GRM7: variants seen among roughly 807,000 people sequenced by gnomAD.
GRM7 encodes glutamate metabotropic receptor 7.
GRM7 carries 35 observed loss-of-function variants against 84.5 expected under a neutral mutation model. The ratio of observed to expected loss-of-function variants is 0.41; its 90% CI spans 0.32 to 0.55. The LOEUF (loss-of-function observed/expected upper bound fraction) is 0.55, where lower values mean the gene tolerates loss of function less well. GRM7 is among the 20% of genes least tolerant of loss of function. The pLI, the probability that GRM7 is intolerant of heterozygous loss-of-function variation, is 0.19. For synonymous variants in GRM7, 487 were observed against 455.1 expected, an observed-to-expected ratio of 1.07 and a Z score of -0.89; for missense variants, 1,003 against 1,194.6, an observed-to-expected ratio of 0.84 and a Z score of 2.36.
intron 1 of GRM7, among the ~76,000 whole-genome samples, chr3:6,891,463 AAAGTATTT>A (rs1318316504): frequency 4.6e-5 from 7 of 152,286 alleles, no homozygotes; most frequent in African/African-American, 1.7e-4. Context: ...GCTTGTCTGT[AAAGTATTT>A]TATTTCTCCT....
intron 1 of GRM7, among the ~76,000 whole-genome samples, chr3:7,073,950 G>T (rs1173541282): frequency 6.8e-6 from 1 of 146,108 alleles, no homozygotes; most frequent in Admixed American, 6.7e-5. Flanking sequence ...TATAAATGAG[G>T]ATATTAATTG....
intron 7 of GRM7, among the ~76,000 whole-genome samples, chr3:7,550,575 CTCTGTGTGTGTG>C (rs1481119201): frequency 2.5e-5 from 1 of 40,648 alleles, no homozygotes; most frequent in South Asian, 8.5e-4. Flanking sequence ...CTCTCTCTCT[CTCTGTGTGTGTG>C]TGTGTGTGTG....
chr3:7,151,517 A>G lies in GRM7; in HGVS notation c.736+4849A>G, dbSNP rs1694287830. On this transcript the variant is annotated intron_variant, in intron 2 of 9. Transcript: ENST00000357716. This position sits in a 1 kb window ranked among gnomAD's most constrained non-coding sequence, Gnocchi z 4.5. ...TGTGCCTCTCTCCTTCACAGATACA[A>G]TGTTCTATCTTGTGGTGTGCATTGC... 6.6e-6 allele frequency among the ~76,000 whole-genome samples: 1 copy of G among 152,084 alleles called. No homozygotes were observed. The highest frequency in any genetic ancestry group is 2.1e-4 in the South Asian group (1 of 4,826).
rs926056260 is a variant in GRM7, at chr3:6,863,749, C to T, written c.519+1842C>T. Among the ~76,000 whole-genome samples the T allele has an allele frequency of 2.0e-5, 3 of 152,100 alleles. No homozygotes were observed. Among genetic ancestry groups the T allele is most frequent in the South Asian group, 4.1e-4 (2 of 4,828 alleles). ...AACCACTGGGGGCTGGGGTAGGTTA[C>T]AGTGTTTTCCCTGTTAGCCTGTGGG... On this transcript the variant is annotated intron_variant, in intron 1 of 9. Transcript: ENST00000357716. This position sits in a 1 kb window ranked among gnomAD's most constrained non-coding sequence, Gnocchi z 4.8.
intron 7 of GRM7, among the ~76,000 whole-genome samples, chr3:7,504,257 G>A (rs1001306993): frequency 7.9e-5 from 12 of 152,162 alleles, no homozygotes; most frequent in Non-Finnish European, 1.6e-4. Context: ...TCAGATGGCT[G>A]AACCACTTTT....
chr3:7,518,904 A>G (rs781005216), intron 7 of GRM7, among the ~76,000 whole-genome samples: 28 of 152,362 alleles, frequency 1.8e-4, no homozygotes, highest in Admixed American at 1.2e-3. Context: ...GTCGTTTTTA[A>G]AAATAACATT....
intron 7 of GRM7, among the ~76,000 whole-genome samples, chr3:7,534,175 G>C (rs1017276980): frequency 6.6e-6 from 1 of 151,958 alleles, no homozygotes; most frequent in Non-Finnish European, 1.5e-5. Context: ...CACCACGCCT[G>C]GCTAATTTTT....
At chr3:7,574,392 T>C (rs1694855391) in intron 7 of GRM7, among the ~76,000 whole-genome samples, 1 of 152,162 alleles carries the variant, frequency 6.6e-6, no homozygotes, top group Non-Finnish European at 1.5e-5. Flanking sequence ...ATTCCTGACC[T>C]CGTGATCCAC....
chr3:7,503,627 G>A (rs1255484134), intron 7 of GRM7, among the ~76,000 whole-genome samples: 1 of 152,084 alleles, frequency 6.6e-6, no homozygotes, highest in Non-Finnish European at 1.5e-5. Flanking sequence ...GTCTGTAGAT[G>A]GTGCTAATGT....
chr3:7,424,254 T>C lies in GRM7; in HGVS notation c.1174+9091T>C, dbSNP rs865881413. ...GGTGCCATTGTTGTGGTTGTCTTTGTTGATAGTGGTGATTGATCCTACTTT... is the reference window on the plus strand; with the variant it reads ...GGTGCCATTGTTGTGGTTGTCTTTGCTGATAGTGGTGATTGATCCTACTTT... On this transcript the variant is annotated intron_variant, in intron 5 of 9. Coordinates refer to ENST00000357716, the MANE Select transcript of GRM7 (RefSeq NM_000844.4). 2.6e-5 allele frequency among the ~76,000 whole-genome samples: 4 copies of C among 152,200 alleles called. No individual in the cohort carries two copies. The South Asian group carries it at 8.3e-4, about 32-fold the overall frequency.
At chr3:7,712,589 A>C (rs2125166515) in intron 9 of GRM7, among the ~76,000 whole-genome samples, 1 of 151,578 alleles carries the variant, frequency 6.6e-6, no homozygotes, top group African/African-American at 2.4e-5. Flanking sequence ...GTTTCCTTAA[A>C]TCTCACCTTT....
chr3:7,449,956 A>C (rs1398254676), intron 5 of GRM7, among the ~76,000 whole-genome samples: 2 of 152,136 alleles, frequency 1.3e-5, no homozygotes, highest in Non-Finnish European at 2.9e-5. Context: ...AAATCAATGC[A>C]TTTTATTAGA....
At chr3:7,285,815 A>G (rs1699411922) in intron 2 of GRM7, among the ~76,000 whole-genome samples, 1 of 152,008 alleles carries the variant, frequency 6.6e-6, no homozygotes, top group Non-Finnish European at 1.5e-5. Flanking sequence ...TCTACTTATC[A>G]TATTTATTTA....
At chr3:6,993,230 C>A (rs1694710716) in intron 1 of GRM7, among the ~76,000 whole-genome samples, 1 of 152,162 alleles carries the variant, frequency 6.6e-6, no homozygotes, top group Non-Finnish European at 1.5e-5. Context: ...CCTCATGATT[C>A]AATTACCTCA....
chr3:7,302,600 T>TA (rs1700040608), intron 3 of GRM7, among the ~76,000 whole-genome samples: 1 of 152,200 alleles, frequency 6.6e-6, no homozygotes, highest in African/African-American at 2.4e-5. Flanking sequence ...TGCTTTTAAC[T>TA]ATGCATATAT....
intron 7 of GRM7, among the ~76,000 whole-genome samples, chr3:7,484,369 G>C (rs1048746034): frequency 6.6e-6 from 1 of 152,276 alleles, no homozygotes; most frequent in Non-Finnish European, 1.5e-5. Flanking sequence ...AGGTTCCACT[G>C]TGGCTATCTT....
intron 2 of GRM7, among the ~76,000 whole-genome samples, chr3:7,201,507 T>C (rs1198213545): frequency 6.6e-6 from 1 of 152,158 alleles, no homozygotes; most frequent in Non-Finnish European, 1.5e-5. Context: ...ACATCCTCTA[T>C]AGAGGCCACA....
intron 3 of GRM7, among the ~76,000 whole-genome samples, chr3:7,304,537 G>T (rs1700122471): frequency 6.6e-6 from 1 of 151,466 alleles, no homozygotes; most frequent in Non-Finnish European, 1.5e-5. Context: ...AATATTTAAA[G>T]ATTTACTCTA....
intron 1 of GRM7, among the ~76,000 whole-genome samples, chr3:6,992,395 A>G (rs1043327089): frequency 6.6e-6 from 1 of 152,256 alleles, no homozygotes; most frequent in African/African-American, 2.4e-5. Context: ...GCAGAATTGG[A>G]CACAAATCAC....
Sources: allele counts gnomAD v4.1 joint callset (sites outside exome capture counted in the v4.1 genomes callset), GRCh38; gene constraint gnomAD v4.1.1; non-coding constraint Gnocchi (gnomAD v3.1); transcripts MANE v1.5; gene names NCBI Gene and HGNC (gene_info 2026-07-23, HGNC 2026-07-21).